LCOR: variants seen among roughly 807,000 people sequenced by gnomAD.
LCOR encodes the protein ligand-dependent corepressor.
Under a neutral mutation model 64.4 loss-of-function variants are expected in LCOR, and 14 were observed. That is an observed-to-expected ratio of 0.22 (90% CI 0.14 to 0.34). The LOEUF (loss-of-function observed/expected upper bound fraction) is 0.34. Among genes scored for constraint, LCOR ranks in the 10% least tolerant of loss-of-function variants. The pLI, the probability that LCOR is intolerant of heterozygous loss-of-function variation, is 1.00. For missense variants in LCOR, 1,686 were observed against 1,765.3 expected (o/e 0.96, Z 0.80); for synonymous variants, 643 against 642.5 (o/e 1.00, Z -0.01).
intron 6 of LCOR, 26 bp downstream of exon 6, chr10:96,949,321 CTATCT>C: frequency 6.2e-7 from 1 of 1,606,424 alleles, no homozygotes; most frequent in Non-Finnish European, 8.5e-7. Flanking sequence ...AAGGTCTCCT[CTATCT>C]TATCAGAATA....
At chr10:96,956,370 A>G in intron 7 of LCOR, 4 of 971,492 alleles carry the variant, frequency 4.1e-6, no homozygotes, top group Non-Finnish European at 4.8e-6. Context: ...AAGCCATCTT[A>G]TACAAAATTA....
chr10:96,839,936 C>G (rs1845510978), intron 2 of LCOR, among the ~76,000 whole-genome samples: 1 of 152,244 alleles, frequency 6.6e-6, no homozygotes, highest in South Asian at 2.1e-4. Context: ...CTCTCTTGGC[C>G]TCCCAGAGTG....
intron 7 of LCOR, among the ~76,000 whole-genome samples, chr10:96,965,599 T>C: frequency 6.8e-6 from 1 of 146,314 alleles, no homozygotes; most frequent in Non-Finnish European, 1.5e-5. Flanking sequence ...GAGGCAGAGC[T>C]TGCAGTGAGC....
At chr10:96,941,892 G>A (rs1847490862) in intron 4 of LCOR, among the ~76,000 whole-genome samples, 1 of 105,338 alleles carries the variant, frequency 9.5e-6, no homozygotes, top group Non-Finnish European at 2.0e-5. Context: ...ATGGCGGCGG[G>A]GAAGAGGCGC....
intron 7 of LCOR, chr10:96,957,052 C>T (rs1392449865): frequency 5.1e-6 from 5 of 985,076 alleles, no homozygotes; most frequent in South Asian, 9.4e-5. Context: ...CAAGGTAACC[C>T]GATATGATTT....
At chr10:96,945,524 A>G (rs180732017) in intron 5 of LCOR, among the ~76,000 whole-genome samples, 2 of 152,142 alleles carry the variant, frequency 1.3e-5, no homozygotes, top group Admixed American at 6.5e-5. Context: ...CCTATGTCTT[A>G]TTATCCCTGC....
At position 96,867,325 on chromosome 10, in the gene LCOR, G is replaced by A. The variant is rs560135939; in HGVS notation, c.-330+33846G>A. Among the ~76,000 whole-genome samples the A allele has an allele frequency of 2.6e-5, 4 of 152,264 alleles. No individual in the cohort carries two copies. In the South Asian group the frequency reaches 8.3e-4, roughly 32 times the overall value. ...TCTGTTTTAAATATTGGCCAGGTGCGTTGGGCTTCACCTGTAACCCCAGTA... is the reference window on the plus strand; with the variant it reads ...TCTGTTTTAAATATTGGCCAGGTGCATTGGGCTTCACCTGTAACCCCAGTA... On this transcript the variant is annotated intron_variant, in intron 2 of 7. Coordinates refer to ENST00000421806, the MANE Select transcript of LCOR (RefSeq NM_001346516.2).
At chr10:96,953,198 A>G (rs115525931) in intron 7 of LCOR, among the ~76,000 whole-genome samples, 7,776 of 151,908 alleles carry the variant, frequency 0.051, 681 homozygotes, top group African/African-American at 0.18. Flanking sequence ...TCTTTTCACT[A>G]TGGTTTATAC....
At chr10:96,956,048 C>G in intron 7 of LCOR, 1 of 1,469,384 alleles carries the variant, frequency 6.8e-7, no homozygotes, top group Non-Finnish European at 8.9e-7. Flanking sequence ...TTTGCATTGA[C>G]TTGTGTGTAC....
At chr10:96,945,192 TTCTAGTTTACACCTCTC>T (rs1847566882) in intron 5 of LCOR, among the ~76,000 whole-genome samples, 1 of 152,192 alleles carries the variant, frequency 6.6e-6, no homozygotes, top group South Asian at 2.1e-4. Context: ...TCTTCATATG[TTCTAGTTTACACCTCTC>T]ATTCCTCTGG....
intron 2 of LCOR, among the ~76,000 whole-genome samples, chr10:96,845,120 T>C (rs1845605439): frequency 6.6e-6 from 1 of 152,050 alleles, no homozygotes; most frequent in African/African-American, 2.4e-5. Flanking sequence ...ATTTAAAAAA[T>C]GAATAAAAGC....
At chr10:96,834,828 A>G (rs1263496791) in intron 2 of LCOR, among the ~76,000 whole-genome samples, 4 of 152,024 alleles carry the variant, frequency 2.6e-5, no homozygotes, top group Admixed American at 2.0e-4. Context: ...TCAGGACCCC[A>G]TTTTTTCAGT....
chr10:96,951,871 C>G (rs1262498829), intron 6 of LCOR, among the ~76,000 whole-genome samples: 1 of 152,090 alleles, frequency 6.6e-6, no homozygotes, highest in Non-Finnish European at 1.5e-5. Flanking sequence ...CATGTTTTAC[C>G]TTTTCTTTTG....
At chr10:96,897,605 T>G (rs1296446042) in intron 2 of LCOR, among the ~76,000 whole-genome samples, 1 of 152,250 alleles carries the variant, frequency 6.6e-6, no homozygotes, top group East Asian at 1.9e-4. Flanking sequence ...TGTATGTAAA[T>G]ACTGTATTCT....
At chr10:96,976,029 A>G (rs994766454) in intron 7 of LCOR, among the ~76,000 whole-genome samples, 1 of 152,104 alleles carries the variant, frequency 6.6e-6, no homozygotes, top group Non-Finnish European at 1.5e-5. Context: ...CGTGTAATTG[A>G]GTTTTACCAA....
intron 2 of LCOR, among the ~76,000 whole-genome samples, chr10:96,896,564 C>T (rs180744538): frequency 6.6e-6 from 1 of 152,168 alleles, no homozygotes; most frequent in Non-Finnish European, 1.5e-5. Flanking sequence ...GCTGGGACTA[C>T]AGGCACACAC....
At chr10:96,837,228 G>C (rs1479799297) in intron 2 of LCOR, among the ~76,000 whole-genome samples, 1 of 152,042 alleles carries the variant, frequency 6.6e-6, no homozygotes, top group Non-Finnish European at 1.5e-5. Context: ...CTGACCTCGT[G>C]ATCTGCCCGC....
chr10:96,881,795 T>G (rs186059290), intron 2 of LCOR, among the ~76,000 whole-genome samples: 8 of 152,318 alleles, frequency 5.3e-5, no homozygotes, highest in Admixed American at 5.2e-4. Context: ...TAGCCAATAT[T>G]TGTGGTACCA....
chr10:96,965,385 G>T (rs1329596737), intron 7 of LCOR, among the ~76,000 whole-genome samples: 2 of 151,038 alleles, frequency 1.3e-5, no homozygotes, highest in South Asian at 4.2e-4. Context: ...TTTGTCGGCC[G>T]GGCACGATGG....
Sources: allele counts gnomAD v4.1 joint callset (sites outside exome capture counted in the v4.1 genomes callset), GRCh38; gene constraint gnomAD v4.1.1; transcripts MANE v1.5; gene names NCBI Gene and HGNC (gene_info 2026-07-23, HGNC 2026-07-21).